Variants in CHM observed in about 807,000 individuals in gnomAD.
The protein encoded by CHM is rab proteins geranylgeranyltransferase component A 1.
CHM carries 10 observed loss-of-function variants against 49.0 expected under a neutral mutation model. The ratio of observed to expected loss-of-function variants is 0.20; its 90% confidence interval spans 0.13 to 0.35. CHM has a LOEUF of 0.35. Ranked by LOEUF, CHM falls within the 10% of genes least tolerant of loss-of-function variation. The probability of loss-of-function intolerance (pLI) is 1.00; values close to 1 mark genes in which losing one functional copy is unlikely to be tolerated. For synonymous variants in CHM, 184 were observed against 167.5 expected, an observed-to-expected ratio of 1.10 and a Z score of -0.76; for missense variants, 455 against 478.4, an observed-to-expected ratio of 0.95 and a Z score of 0.46.
chrX:86,028,517 G>T (rs979800412), intron 1 of CHM, among the ~76,000 whole-genome samples: 4 of 111,490 alleles, frequency 3.6e-5, no homozygotes, highest in African/African-American at 1.3e-4. Context: ...TTATGCTTTA[G>T]AATCAAACTT....
chrX:85,888,259 GC>G (rs1447578753), intron 12 of CHM, among the ~76,000 whole-genome samples: 1 of 111,937 alleles, frequency 8.9e-6, no homozygotes. Context: ...GCTAAAAGGG[GC>G]CAAGGTACAG....
At chrX:85,997,282 A>G (rs1932483561) in intron 2 of CHM, among the ~76,000 whole-genome samples, 1 of 111,316 alleles carries the variant, frequency 9.0e-6, no homozygotes, top group African/African-American at 3.3e-5. Flanking sequence ...AGTTTATAAT[A>G]TAAAATTTGA....
chrX:85,978,748 C>T lies in CHM; in HGVS notation c.314+19G>A, dbSNP rs752299622. 5 of 1,187,118 alleles carry T rather than the reference C, an allele frequency of 4.2e-6. No individual in the cohort carries two copies. In the Admixed American group the frequency reaches 1.1e-4, roughly 26 times the overall value. ...AAAAGTCATTAATTTAGTTTACCTG[C>T]AGTAAATACTTTTCATACCTGGCAT... On this transcript the variant is annotated intron_variant, in intron 4 of 14. Coordinates refer to ENST00000357749, the MANE Select transcript of CHM (RefSeq NM_000390.4).
intron 8 of CHM, 35 bp downstream of exon 8, chrX:85,956,118 T>C: frequency 8.7e-7 from 1 of 1,145,739 alleles, no homozygotes; most frequent in Non-Finnish European, 1.2e-6. Flanking sequence ...AAGTATCACT[T>C]TTAGAAGGGA....
chrX:85,883,385 G>T (rs1010800795), intron 12 of CHM, among the ~76,000 whole-genome samples: 2 of 111,284 alleles, frequency 1.8e-5, no homozygotes, highest in African/African-American at 3.3e-5. Context: ...GGATATGACT[G>T]TATCAATAAA....
At chrX:85,949,355 A>G (rs1485254109) in intron 8 of CHM, among the ~76,000 whole-genome samples, 1 of 111,936 alleles carries the variant, frequency 8.9e-6, no homozygotes, top group Non-Finnish European at 1.9e-5. Flanking sequence ...AAATAGGGCT[A>G]AACATTCCAT....
At chrX:85,934,749 T>C (rs1928682558) in intron 8 of CHM, among the ~76,000 whole-genome samples, 1 of 110,632 alleles carries the variant, frequency 9.0e-6, no homozygotes, top group Non-Finnish European at 1.9e-5. Context: ...AACATATGTG[T>C]CCATGTGTCT....
At chrX:85,903,422 G>A (rs1419725090) in intron 9 of CHM, among the ~76,000 whole-genome samples, 1 of 110,971 alleles carries the variant, frequency 9.0e-6, no homozygotes, top group South Asian at 3.9e-4. Flanking sequence ...AAACATGAAC[G>A]AGGTTGTTTT....
intron 14 of CHM, among the ~76,000 whole-genome samples, chrX:85,870,560 T>G (rs777897355): frequency 8.9e-6 from 1 of 111,921 alleles, no homozygotes; most frequent in Non-Finnish European, 1.9e-5. Flanking sequence ...TTTATTCTTA[T>G]TCCCATGGTA....
At chrX:86,021,199 G>A (rs1448671433) in intron 2 of CHM, among the ~76,000 whole-genome samples, 1 of 82,535 alleles carries the variant, frequency 1.2e-5, no homozygotes, top group African/African-American at 4.9e-5. Context: ...TATGAAATCC[G>A]AAGCACTTCG....
At chrX:85,998,109 C>T (rs1344346857) in intron 2 of CHM, among the ~76,000 whole-genome samples, 2 of 110,258 alleles carry the variant, frequency 1.8e-5, no homozygotes, top group Non-Finnish European at 3.8e-5. Flanking sequence ...GGTCTCATTT[C>T]GTTTTGTAGC....
At chrX:85,925,964 T>G in intron 8 of CHM, among the ~76,000 whole-genome samples, 1 of 111,253 alleles carries the variant, frequency 9.0e-6, no homozygotes, top group Non-Finnish European at 1.9e-5. Flanking sequence ...GTCATTTTCC[T>G]GCTTTTTCAC....
intron 12 of CHM, among the ~76,000 whole-genome samples, chrX:85,890,182 C>T (rs936489808): frequency 2.7e-5 from 3 of 111,474 alleles, no homozygotes; most frequent in Non-Finnish European, 5.6e-5. Context: ...GCATATACTC[C>T]GTGAATCTAA....
intron 10 of CHM, among the ~76,000 whole-genome samples, 187 bp downstream of exon 10, chrX:85,900,897 C>T (rs1439481236): frequency 8.9e-6 from 1 of 112,019 alleles, no homozygotes; most frequent in Non-Finnish European, 1.9e-5. Context: ...GACCTACAGA[C>T]AAACCCCAGC....
In CHM at chrX:85,876,375, G is replaced by A. The variant is rs143716452; in HGVS notation, c.1609+2590C>T. On this transcript the variant is annotated intron_variant, in intron 13 of 14. Transcript: ENST00000357749. ...TGCAGTAAAGCATAAGGTATTATAT[G>A]AATGTCAAATAATCAAAACATAATA... is the stretch of plus-strand genomic sequence containing the variant. Among the ~76,000 whole-genome samples, 689 of 111,821 alleles carry A rather than the reference G, an allele frequency of 6.2e-3. 11 individuals carry two copies. The East Asian group carries it at 0.081, about 13-fold the overall frequency.
intron 8 of CHM, 51 bp from the exon 9 acceptor site, chrX:85,911,389 A>C: frequency 1.6e-6 from 1 of 620,261 alleles, no homozygotes; most frequent in Non-Finnish European, 2.5e-6. Context: ...TTGAAAATAA[A>C]GGTAAAAGTA....
chrX:85,978,416 G>T (rs1468277710), intron 4 of CHM, among the ~76,000 whole-genome samples: 1 of 111,406 alleles, frequency 9.0e-6, no homozygotes, highest in East Asian at 2.8e-4. Context: ...CGTTTACCAA[G>T]CCACGTGACC....
chrX:85,995,832 C>T (rs1316730004), intron 2 of CHM, among the ~76,000 whole-genome samples: 2 of 111,511 alleles, frequency 1.8e-5, no homozygotes. Flanking sequence ...CACTTTCATT[C>T]ATAAATTAGT....
intron 3 of CHM, among the ~76,000 whole-genome samples, chrX:85,981,430 C>T (rs1381505454): frequency 4.6e-5 from 5 of 108,789 alleles, no homozygotes; most frequent in South Asian, 3.9e-4. Flanking sequence ...AATGGGATTT[C>T]GCCATGTTGG....
Sources: allele counts gnomAD v4.1 joint callset (sites outside exome capture counted in the v4.1 genomes callset), GRCh38; gene constraint gnomAD v4.1.1; transcripts MANE v1.5; gene names NCBI Gene and HGNC (gene_info 2026-07-23, HGNC 2026-07-21).